Variants in VPS13D observed in about 807,000 individuals in gnomAD.
VPS13D encodes the protein vacuolar protein sorting 13 homolog D, also known as intermembrane lipid transfer protein VPS13D.
A neutral mutation model predicts 461.9 loss-of-function variants in VPS13D; 187 were observed. The ratio of observed to expected loss-of-function variants is 0.40; its 90% CI spans 0.36 to 0.46. The LOEUF (loss-of-function observed/expected upper bound fraction) is 0.46, where lower values mean the gene tolerates loss of function less well. Among genes scored for constraint, VPS13D ranks in the 20% least tolerant of loss-of-function variants. The pLI is 0.60. For synonymous variants in VPS13D, 1,951 were observed against 1,986.3 expected, an observed-to-expected ratio of 0.98 and a Z score of 0.47; for missense variants, 4,711 against 5,364.9, an observed-to-expected ratio of 0.88 and a Z score of 3.81.
At chr1:12,274,882 G>A (rs1017166946) in intron 18 of VPS13D, among the ~76,000 whole-genome samples, 1 of 152,062 alleles carries the variant, frequency 6.6e-6, no homozygotes, top group Non-Finnish European at 1.5e-5. Flanking sequence ...TCAGGAGTTC[G>A]AGGCCAGCCT....
rs1642829921 is a variant in VPS13D, at chr1:12,314,111, T to C, written c.6936-4T>C. Reference sequence around the variant, plus strand: ...TCTTGCTTGCTTTCTTTTCTCTCTTTTAGATTTGACTTCAAGAAATGCAAA... The same window carrying C: ...TCTTGCTTGCTTTCTTTTCTCTCTTCTAGATTTGACTTCAAGAAATGCAAA... On this transcript the variant is annotated splice_polypyrimidine_tract_variant and splice_region_variant and intron_variant, in intron 29 of 69. Coordinates refer to ENST00000620676, the MANE Select transcript of VPS13D (RefSeq NM_015378.4). 6 of 1,613,316 alleles carry C rather than the reference T, an allele frequency of 3.7e-6. No individual in the cohort carries two copies. Among genetic ancestry groups the C allele is most frequent in the African/African-American group, 2.7e-5 (2 of 75,056 alleles).
At chr1:12,257,127 G>C (rs748041870) in intron 9 of VPS13D, 40 bp downstream of exon 9, 1 of 1,555,000 alleles carries the variant, frequency 6.4e-7, no homozygotes, top group Non-Finnish European at 8.9e-7. Context: ...TCATGTTAGA[G>C]CCTGTTCTTG....
rs1640925738 is a variant in VPS13D, at chr1:12,256,498, T to C, written c.835T>C (p.Ser279Pro). Reference sequence around the variant, plus strand: ...GCTGGAGACCATTCCCTTGAAACTCTCTCAGGTATGCCCTTTCTTCTCAGT... The same window carrying C: ...GCTGGAGACCATTCCCTTGAAACTCCCTCAGGTATGCCCTTTCTTCTCAGT... ...IQLETIPLKLSQLQYRQIMEF... is the reference protein window; with the variant it reads ...IQLETIPLKLPQLQYRQIMEF... Residue 279 changes from serine to proline, a missense_variant, in exon 8 of 70, where the codon TCT (serine) becomes CCT (proline). Physicochemically the swap from Ser to Pro is moderately conservative, Grantham distance 74 (BLOSUM62 -1). Transcript: ENST00000620676. 1.2e-6 allele frequency: 2 copies of C among 1,614,060 alleles called. No homozygotes were observed. Among genetic ancestry groups the C allele is most frequent in the Non-Finnish European group, 1.7e-6 (2 of 1,179,972 alleles).
At chr1:12,457,744 T>C (rs1645348952) in intron 66 of VPS13D, among the ~76,000 whole-genome samples, 1 of 152,214 alleles carries the variant, frequency 6.6e-6, no homozygotes, top group South Asian at 2.1e-4. Flanking sequence ...GAGATTTGGA[T>C]CAAAATGCCT....
chr1:12,283,761 C>G (rs1343471082), intron 21 of VPS13D, 25 bp downstream of exon 21: 3 of 1,573,916 alleles, frequency 1.9e-6, no homozygotes, highest in Non-Finnish European at 2.6e-6. Flanking sequence ...CTTTGGCTCC[C>G]TTAAGCTCTA....
At chr1:12,270,437 C>G (rs1185903001) in intron 16 of VPS13D, among the ~76,000 whole-genome samples, 2 of 151,716 alleles carry the variant, frequency 1.3e-5, no homozygotes, top group South Asian at 2.1e-4. Context: ...GGAGACAGAG[C>G]GGGACTTTGT....
chr1:12,450,761 A>T (rs966963527), intron 65 of VPS13D, among the ~76,000 whole-genome samples: 29 of 152,224 alleles, frequency 1.9e-4, no homozygotes, highest in African/African-American at 5.5e-4. Context: ...AAGCCTTTTC[A>T]ACTTAAAAAT....
intron 25 of VPS13D, among the ~76,000 whole-genome samples, chr1:12,303,313 C>T (rs776006603): frequency 9.9e-5 from 15 of 152,144 alleles, no homozygotes; most frequent in Non-Finnish European, 1.8e-4. Context: ...TTTTATTTCA[C>T]TTTTCTCAAC....
rs753875465 is a variant in VPS13D at position 12,268,830 on chromosome 1, T to C, written c.1926T>C (p.Ile642=). The change falls in exon 16 of 70, where the codon ATT becomes ATC. Residue 642 remains isoleucine, a synonymous_variant. Transcript: ENST00000620676. ...ACATCATATACAATCCGCAGGCCAT[T>C]AAAAAAGTAGCAGACTTTTTCTACA... The part of the protein sequence containing the change: ...PLNIIYNPQA[I]KKVADFFYKG... 6.2e-7 allele frequency: 1 copy of C among 1,613,574 alleles called. No individual in the cohort carries two copies. Among genetic ancestry groups the C allele is most frequent in the Non-Finnish European group, 8.5e-7 (1 of 1,179,794 alleles).
chr1:12,307,812 A>T (rs542697789), intron 26 of VPS13D, among the ~76,000 whole-genome samples: 1 of 152,322 alleles, frequency 6.6e-6, no homozygotes, highest in East Asian at 1.9e-4. Flanking sequence ...ATTTTGGATT[A>T]ACCGTAGCCA....
Position 12,318,080 on chromosome 1 carries a change from A to G in VPS13D, c.7157A>G (p.Lys2386Arg), listed in dbSNP as rs376631155. ...CTGTCTTCTTTTTATAGATCTACCA[A>G]GGATTCCTCCTGCTTTACAGTAGTT... ...IQIELHFRST[K>R]DSSCFTVVLN... Residue 2386 changes from lysine (K) to arginine (R), a missense_variant, in exon 31 of 70, where the codon AAG becomes AGG. Transcript: ENST00000620676. The G allele has an allele frequency of 1.9e-6, 3 of 1,609,960 alleles. No individual in the cohort carries two copies. Among genetic ancestry groups the G allele is most frequent in the African/African-American group, 2.7e-5 (2 of 74,850 alleles).
At chr1:12,396,455 C>A (rs1644500563) in intron 60 of VPS13D, among the ~76,000 whole-genome samples, 1 of 152,162 alleles carries the variant, frequency 6.6e-6, no homozygotes, top group Non-Finnish European at 1.5e-5. Context: ...GCTATCAGAA[C>A]AACTTCTATC....
At chr1:12,483,581 A>G (rs2100496424) in intron 67 of VPS13D, among the ~76,000 whole-genome samples, 1 of 152,182 alleles carries the variant, frequency 6.6e-6, no homozygotes, top group African/African-American at 2.4e-5. Flanking sequence ...TCTTTCTTCC[A>G]GATATTAACA....
rs1182211122 is a variant in VPS13D, at chr1:12,378,496, A to G, written c.10986A>G (p.Ser3662=). ...GAATGCTGGCCCATGAGGGCTCCTC[A>G]GTTCCTCACAATCCCAATAAGCCCT... ...GTGMLAHEGS[S]VPHNPNKPSA... The change falls in exon 56 of 70, where the codon TCA becomes TCG. Residue 3662 remains serine (S), a synonymous_variant. Transcript: ENST00000620676. The G allele has an allele frequency of 1.2e-6, 2 of 1,612,862 alleles. No homozygotes were observed. The highest frequency in any genetic ancestry group is 2.2e-5 in the South Asian group (2 of 90,886).
intron 63 of VPS13D, among the ~76,000 whole-genome samples, chr1:12,404,411 C>T (rs1453456635): frequency 6.6e-6 from 1 of 152,110 alleles, no homozygotes; most frequent in East Asian, 1.9e-4. Flanking sequence ...TAAGTATCCA[C>T]CTCTTTTTGA....
chr1:12,489,977 C>G (rs1246114966), intron 67 of VPS13D, among the ~76,000 whole-genome samples: 1 of 152,236 alleles, frequency 6.6e-6, no homozygotes, highest in Non-Finnish European at 1.5e-5. Context: ...GCTGCCTACT[C>G]TAGTGCTCCC....
chr1:12,490,643 C>G (rs1318669913), intron 67 of VPS13D, among the ~76,000 whole-genome samples: 1 of 151,766 alleles, frequency 6.6e-6, no homozygotes, highest in Non-Finnish European at 1.5e-5. Context: ...GTGGGAGCTA[C>G]AGATCTGAGA....
At chr1:12,385,709 T>C (rs1644342326) in intron 59 of VPS13D, among the ~76,000 whole-genome samples, 1 of 152,218 alleles carries the variant, frequency 6.6e-6, no homozygotes, top group Non-Finnish European at 1.5e-5. Flanking sequence ...CTGTTTGGGA[T>C]TGGAGAGTGA....
intron 2 of VPS13D, among the ~76,000 whole-genome samples, chr1:12,235,907 C>G (rs1401442687): frequency 1.3e-5 from 2 of 152,292 alleles, no homozygotes; most frequent in East Asian, 3.9e-4. Flanking sequence ...AGCTGCAGAC[C>G]ACGACCCTGC....
Sources: gnomAD v4.1 joint callset for allele counts (sites outside exome capture counted in the v4.1 genomes callset) on GRCh38, gnomAD v4.1.1 for gene constraint, MANE v1.5 for transcripts, NCBI Gene and HGNC (gene_info 2026-07-23, HGNC 2026-07-21) for gene names.